ZNF420: variants seen among roughly 807,000 people sequenced by gnomAD.
ZNF420 encodes the protein ATM and p53-associated KZNF protein.
In ZNF420, 31 loss-of-function variants were observed where a neutral mutation model predicts 44.7. The observed-to-expected ratio is 0.69, with a 90% CI of 0.52 to 0.94. ZNF420 has a LOEUF of 0.94. Ranked by LOEUF, ZNF420 falls within the 40% of genes least tolerant of loss-of-function variation. The probability of loss-of-function intolerance (pLI) is 0.00; values close to 1 mark genes in which losing one functional copy is unlikely to be tolerated. For synonymous variants in ZNF420, 245 were observed against 267.4 expected (o/e 0.92, Z 0.82); for missense variants, 681 against 827.9 (o/e 0.82, Z 2.18).
chr19:37,102,212 G>A (rs912002048), intron 4 of ZNF420, among the ~76,000 whole-genome samples: 1 of 152,096 alleles, frequency 6.6e-6, no homozygotes, highest in African/African-American at 2.4e-5. Context: ...TAGTTCTCCA[G>A]TTATTGCAGG....
chr19:37,008,228 T>C, intron 1 of ZNF420: 1 of 300,322 alleles, frequency 3.3e-6, no homozygotes, highest in South Asian at 2.9e-5. Context: ...CGGGGGGGGA[T>C]GTTTGTGTAC....
intron 2 of ZNF420, among the ~76,000 whole-genome samples, chr19:37,084,456 T>C (rs1968645989): frequency 6.6e-6 from 1 of 152,200 alleles, no homozygotes; most frequent in African/African-American, 2.4e-5. Flanking sequence ...CTTTGTTGTA[T>C]GTCTGTCTTC....
At chr19:37,108,784 T>TGGACTCACTTGTGCACTG (rs1440752048) in intron 4 of ZNF420, among the ~76,000 whole-genome samples, 2 of 152,222 alleles carry the variant, frequency 1.3e-5, no homozygotes, top group Non-Finnish European at 2.9e-5. Context: ...TATCAACAGT[T>TGGACTCACTTGTGCACTG]GGACTCACTT....
chr19:37,014,413 C>A (rs2074594290), intron 1 of ZNF420, among the ~76,000 whole-genome samples: 1 of 152,172 alleles, frequency 6.6e-6, no homozygotes, highest in Non-Finnish European at 1.5e-5. Flanking sequence ...CGATTTCTGC[C>A]CATACCTTCC....
chr19:37,076,568 C>T (rs1191859573), upstream of ZNF420, among the ~76,000 whole-genome samples: 4 of 152,172 alleles, frequency 2.6e-5, no homozygotes, highest in African/African-American at 9.7e-5. Context: ...GTTCCTTACC[C>T]TGTGTCCAAG....
At chr19:37,059,645 G>A (rs562378572) in intron 1 of ZNF420, among the ~76,000 whole-genome samples, 2 of 152,246 alleles carry the variant, frequency 1.3e-5, no homozygotes, top group African/African-American at 4.8e-5. Context: ...CGCAAAAGTC[G>A]TGCCCGCCGT....
At chr19:37,079,240 C>T (rs1968292840) in intron 1 of ZNF420, among the ~76,000 whole-genome samples, 1 of 152,124 alleles carries the variant, frequency 6.6e-6, no homozygotes. Flanking sequence ...GGTGATTGTG[C>T]CTCTAGCTGT....
chr19:37,128,665 A>T lies in ZNF420; in HGVS notation c.1674A>T (p.Pro558=), dbSNP rs61745776. 8.5e-3 allele frequency: 13,666 copies of T among 1,613,806 alleles called. 85 individuals are homozygous for T. The highest frequency in any genetic ancestry group is 0.014 in the Middle Eastern group (82 of 6,062). Residue 558 remains proline (P), a synonymous_variant, in exon 5 of 5, where the codon CCA becomes CCT. Coordinates refer to ENST00000337995, the MANE Select transcript of ZNF420 (RefSeq NM_144689.5). ...AGAGAATTCATACTGGTGAGAAACC[A>T]TATCAATGTAAGGAATGTGGGAAAG... ...QHQRIHTGEK[P]YQCKECGKAF... is the part of the protein sequence containing the mutation.
chr19:37,062,785 G>A (rs983839437), intron 1 of ZNF420, among the ~76,000 whole-genome samples: 2 of 152,182 alleles, frequency 1.3e-5, no homozygotes, highest in Admixed American at 1.3e-4. Flanking sequence ...AGAATCCTGA[G>A]ATGGCCAAGG....
chr19:37,058,895 C>T (rs1967810599), intron 1 of ZNF420, among the ~76,000 whole-genome samples: 2 of 152,206 alleles, frequency 1.3e-5, no homozygotes, highest in South Asian at 2.1e-4. Flanking sequence ...AGCCCCACGG[C>T]TTTGCGAATC....
chr19:37,094,959 CA>C (rs1444978447), intron 4 of ZNF420, among the ~76,000 whole-genome samples: 3 of 151,950 alleles, frequency 2.0e-5, no homozygotes, highest in African/African-American at 7.3e-5. Context: ...GATGAAATCC[CA>C]TCTCTACTAA....
At chr19:37,066,113 C>T (rs1016847566) in intron 1 of ZNF420, among the ~76,000 whole-genome samples, 21 of 152,208 alleles carry the variant, frequency 1.4e-4, no homozygotes, top group Admixed American at 1.2e-3. Context: ...GTTTTTCTTA[C>T]TCATCAAAAG....
intron 1 of ZNF420, among the ~76,000 whole-genome samples, chr19:37,063,963 T>C (rs984491893): frequency 6.6e-6 from 1 of 152,236 alleles, no homozygotes; most frequent in South Asian, 2.1e-4. Context: ...TGCCCTTTTA[T>C]AACCTTGACA....
intron 1 of ZNF420, among the ~76,000 whole-genome samples, chr19:37,008,551 AG>A (rs2074545769): frequency 6.6e-6 from 1 of 152,262 alleles, no homozygotes; most frequent in East Asian, 1.9e-4. Flanking sequence ...GTCCTGAGGG[AG>A]GGGAGCAGAC....
intron 1 of ZNF420, among the ~76,000 whole-genome samples, chr19:37,023,938 C>T (rs1950203754): frequency 6.6e-6 from 1 of 152,102 alleles, no homozygotes; most frequent in Non-Finnish European, 1.5e-5. Flanking sequence ...TGGCCAAGGG[C>T]ATTCCAGAGT....
chr19:37,080,149 T>A (rs1968357522), intron 1 of ZNF420, among the ~76,000 whole-genome samples, 196 bp from the exon 2 acceptor site: 1 of 152,104 alleles, frequency 6.6e-6, no homozygotes, highest in South Asian at 2.1e-4. Flanking sequence ...AATACAGAAA[T>A]AAATTCAAGC....
At chr19:37,036,748 G>A (rs1280487870) in intron 1 of ZNF420, among the ~76,000 whole-genome samples, 1 of 152,126 alleles carries the variant, frequency 6.6e-6, no homozygotes, top group African/African-American at 2.4e-5. Flanking sequence ...TCATTTCCCT[G>A]GGTCCCTTTT....
At chr19:37,043,537 T>A (rs775194885) in intron 1 of ZNF420, among the ~76,000 whole-genome samples, 15 of 152,360 alleles carry the variant, frequency 9.8e-5, no homozygotes, top group South Asian at 2.1e-4. Flanking sequence ...TTATTTATTT[T>A]TTTTAGATGG....
At chr19:37,012,642 G>C (rs1263299981) in intron 1 of ZNF420, among the ~76,000 whole-genome samples, 1 of 152,198 alleles carries the variant, frequency 6.6e-6, no homozygotes, top group East Asian at 1.9e-4. Context: ...TGACCTCGAG[G>C]ACAGGTCTGC....
Sources: allele counts gnomAD v4.1 joint callset (sites outside exome capture counted in the v4.1 genomes callset), GRCh38; gene constraint gnomAD v4.1.1; transcripts MANE v1.5; gene names NCBI Gene and HGNC (gene_info 2026-07-23, HGNC 2026-07-21).